The following SMIM23 variants were observed in gnomAD, a reference collection of about 807,000 sequenced individuals.
SMIM23 encodes small integral membrane protein 23.
In SMIM23, 10 loss-of-function variants were observed where a neutral mutation model predicts 12.8. The observed-to-expected ratio is 0.78, with a 90% CI of 0.48 to 1.32. The LOEUF (loss-of-function observed/expected upper bound fraction) is 1.32, where lower values mean the gene tolerates loss of function less well. Ranked by LOEUF, SMIM23 falls within the 40% of genes most tolerant of loss-of-function variation. The pLI is 0.00. For missense variants in SMIM23, 184 were observed against 198.2 expected (o/e 0.93, Z 0.43); for synonymous variants, 78 against 80.1 (o/e 0.97, Z 0.14).
the SMIM23 span, chr5:171,774,200 C>A: frequency 2.8e-6 from 1 of 357,778 alleles, no homozygotes; most frequent in Non-Finnish European, 5.5e-6. Flanking sequence ...GTTGCGATTG[C>A]TGTTGGCATG....
chr5:171,773,890 G>A, the SMIM23 span: 13 of 454,442 alleles, frequency 2.9e-5, no homozygotes, highest in South Asian at 1.9e-4. Flanking sequence ...CAGTCCAGAT[G>A]GATAAAGAGA....
intron 3 of SMIM23, 52 bp from the exon 4 acceptor site, chr5:171,790,743 G>A (rs1755907358): frequency 5.9e-6 from 9 of 1,527,608 alleles, no homozygotes; most frequent in African/African-American, 1.4e-5. Context: ...GGATGGGGAG[G>A]AGGGTCCTAT....
chr5:171,774,527 G>A, the SMIM23 span: 8 of 455,966 alleles, frequency 1.8e-5, no homozygotes, highest in East Asian at 2.1e-4. Flanking sequence ...GCAGTCCCAC[G>A]CCCCTTGTGG....
chr5:171,784,377 T>C (rs1167797840), upstream of SMIM23, among the ~76,000 whole-genome samples: 1 of 151,822 alleles, frequency 6.6e-6, no homozygotes, highest in Non-Finnish European at 1.5e-5. Context: ...TGGTGGCGGG[T>C]GCCTGTAGTC....
the SMIM23 span, among the ~76,000 whole-genome samples, chr5:171,775,775 A>C: frequency 5.3e-5 from 8 of 152,248 alleles, no homozygotes; most frequent in Non-Finnish European, 1.2e-4. Context: ...ATGAATGTGC[A>C]AGAAAAGGAA....
rs1207292203 is a variant in SMIM23, at chr5:171,790,952, T to A, written c.383T>A (p.Leu128His). 6.5e-7 allele frequency: 1 copy of A among 1,535,880 alleles called. No individual in the cohort carries two copies. The highest frequency in any genetic ancestry group is 1.2e-5 in the South Asian group (1 of 84,062). ...AWDLELWLDA[L>H]LGEPHQEEHC... ...GACCTGGAACTGTGGCTGGATGCTCTTCTGGGAGAGCCACACCAGGAGGAG... is the reference window on the plus strand; with the variant it reads ...GACCTGGAACTGTGGCTGGATGCTCATCTGGGAGAGCCACACCAGGAGGAG... Residue 128 changes from leucine to histidine, a missense_variant, in exon 4 of 4, where the codon CTT becomes CAT. Physicochemically the swap from Leu to His is moderately conservative, Grantham distance 99. Transcript: ENST00000523047.
upstream of SMIM23, among the ~76,000 whole-genome samples, chr5:171,777,528 G>A (rs1204016910): frequency 1.3e-5 from 2 of 152,212 alleles, no homozygotes; most frequent in Non-Finnish European, 1.5e-5. Context: ...TTGCCCCTCA[G>A]CTGGCCTGGC....
chr5:171,777,276 T>G, the SMIM23 span, among the ~76,000 whole-genome samples: 1 of 152,212 alleles, frequency 6.6e-6, no homozygotes, highest in Non-Finnish European at 1.5e-5. Flanking sequence ...AAAGGGCCCC[T>G]GGATGTCGAA....
At chr5:171,779,961 G>A (rs757641066), upstream of SMIM23, among the ~76,000 whole-genome samples, 34 of 152,044 alleles carry the variant, frequency 2.2e-4, no homozygotes, top group Non-Finnish European at 1.6e-4. Flanking sequence ...CAGTAACCCC[G>A]TAAGACACAT....
At chr5:171,777,253 T>G in the SMIM23 span, among the ~76,000 whole-genome samples, 1 of 152,244 alleles carries the variant, frequency 6.6e-6, no homozygotes, top group African/African-American at 2.4e-5. Flanking sequence ...AGCGGAATAC[T>G]TGGCATGTTA....
At chr5:171,777,508 A>G (rs956887278), upstream of SMIM23, among the ~76,000 whole-genome samples, 1 of 152,140 alleles carries the variant, frequency 6.6e-6, no homozygotes, top group African/African-American at 2.4e-5. Context: ...CTGTGTGTTC[A>G]TGTGTACATT....
chr5:171,780,708 C>G (rs1755712674), upstream of SMIM23, among the ~76,000 whole-genome samples: 1 of 152,150 alleles, frequency 6.6e-6, no homozygotes. Flanking sequence ...GCATGGGTGC[C>G]TGCAAGACCA....
chr5:171,789,172 G>T (rs702080), intron 1 of SMIM23, among the ~76,000 whole-genome samples: 1,774 of 152,278 alleles, frequency 0.012, 39 homozygotes, highest in African/African-American at 0.04. Flanking sequence ...TGAATATAGA[G>T]GTAAGAAATC....
At chr5:171,776,064 T>C in the SMIM23 span, among the ~76,000 whole-genome samples, 1 of 152,144 alleles carries the variant, frequency 6.6e-6, no homozygotes, top group African/African-American at 2.4e-5. Context: ...AGATACGGGG[T>C]TTCGCCATGT....
chr5:171,790,389 CCACTGACCCTT>C, intron 2 of SMIM23, 82 bp from the exon 3 acceptor site: 2 of 1,502,416 alleles, frequency 1.3e-6, no homozygotes, highest in Non-Finnish European at 1.8e-6. Flanking sequence ...CCACCTTCTC[CCACTGACCCTT>C]CATCACACTG....
chr5:171,784,920 T>A (rs1175837641), upstream of SMIM23, among the ~76,000 whole-genome samples: 2 of 152,164 alleles, frequency 1.3e-5, no homozygotes, highest in African/African-American at 2.4e-5. Flanking sequence ...TGTTTTTTTT[T>A]AAAGCCAATC....
At chr5:171,776,363 C>G in the SMIM23 span, among the ~76,000 whole-genome samples, 1 of 152,174 alleles carries the variant, frequency 6.6e-6, no homozygotes, top group Admixed American at 6.5e-5. Flanking sequence ...CATGTAACCA[C>G]CCCTTCACTT....
the SMIM23 span, among the ~76,000 whole-genome samples, chr5:171,776,702 C>A: frequency 6.6e-6 from 1 of 152,206 alleles, no homozygotes; most frequent in African/African-American, 2.4e-5. Context: ...GCTGTCACGT[C>A]TCAAAATTCT....
At chr5:171,772,826 C>T in the SMIM23 span, among the ~76,000 whole-genome samples, 1 of 152,156 alleles carries the variant, frequency 6.6e-6, no homozygotes, top group Non-Finnish European at 1.5e-5. Flanking sequence ...ACTGTGGGAC[C>T]GTCTGGTCGC....
Sources: gnomAD v4.1 joint callset for allele counts (sites outside exome capture counted in the v4.1 genomes callset) on GRCh38, gnomAD v4.1.1 for gene constraint, MANE v1.5 for transcripts, NCBI Gene and HGNC (gene_info 2026-07-23, HGNC 2026-07-21) for gene names.